The following ZFHX3 variants were observed in gnomAD, a reference collection of about 807,000 sequenced individuals.
The protein encoded by ZFHX3 is zinc finger homeobox protein 3.
Under a neutral mutation model 279.1 loss-of-function variants are expected in ZFHX3, and 42 were observed. That is an observed-to-expected ratio of 0.15 (90% CI 0.12 to 0.19). ZFHX3 has a LOEUF of 0.19. ZFHX3 is among the 10% of genes least tolerant of loss of function. The probability of loss-of-function intolerance (pLI) is 1.00; values close to 1 mark genes in which losing one functional copy is unlikely to be tolerated. For missense variants in ZFHX3, 4,981 were observed against 4,754.0 expected (o/e 1.05, Z -1.40); for synonymous variants, 2,293 against 1,957.8 (o/e 1.17, Z -4.52).
intron 1 of ZFHX3, among the ~76,000 whole-genome samples, chr16:73,863,913 G>T (rs545211994): frequency 4.5e-4 from 69 of 152,226 alleles, no homozygotes; most frequent in African/African-American, 1.5e-3. Flanking sequence ...AAATTTTTCA[G>T]ATAGAAAAAT....
At chr16:72,799,752 A>C (rs2036039424) in intron 8 of ZFHX3, among the ~76,000 whole-genome samples, 1 of 152,048 alleles carries the variant, frequency 6.6e-6, no homozygotes, top group African/African-American at 2.4e-5. Flanking sequence ...CTGGTTATTC[A>C]CTCCCTAATT....
intron 3 of ZFHX3, among the ~76,000 whole-genome samples, chr16:73,425,407 C>A (rs1184861845): frequency 1.6e-4 from 25 of 152,150 alleles, no homozygotes; most frequent in Non-Finnish European, 4.4e-5. Context: ...AAGCATAATA[C>A]CCCAAGTTTT....
chr16:73,644,226 C>G (rs896463756), intron 2 of ZFHX3, among the ~76,000 whole-genome samples: 3 of 152,208 alleles, frequency 2.0e-5, no homozygotes, highest in Non-Finnish European at 2.9e-5. Flanking sequence ...TGATGACTTC[C>G]GAGTCCTCCT....
At chr16:73,466,520 A>G (rs1215662630) in intron 2 of ZFHX3, among the ~76,000 whole-genome samples, 2 of 152,160 alleles carry the variant, frequency 1.3e-5, no homozygotes, top group Admixed American at 1.3e-4. Context: ...CCCCACATCT[A>G]GAAGACTTTT....
intron 3 of ZFHX3, among the ~76,000 whole-genome samples, chr16:72,912,099 C>T (rs1038106160): frequency 6.6e-6 from 1 of 152,132 alleles, no homozygotes; most frequent in Non-Finnish European, 1.5e-5. Flanking sequence ...TTTCAGCAAA[C>T]ATGTGCCATT....
chr16:73,590,454 C>A (rs1248725127), intron 2 of ZFHX3, among the ~76,000 whole-genome samples: 1 of 152,124 alleles, frequency 6.6e-6, no homozygotes. Context: ...ACACAGGAAC[C>A]AATTTAAAGG....
chr16:72,941,970 T>C (rs1355143198), intron 3 of ZFHX3, among the ~76,000 whole-genome samples: 2 of 152,246 alleles, frequency 1.3e-5, no homozygotes, highest in Non-Finnish European at 2.9e-5. Context: ...CTACACTTAC[T>C]AGTATTTACA....
At chr16:72,962,800 C>A (rs1038322066) in intron 1 of ZFHX3, among the ~76,000 whole-genome samples, 1 of 152,038 alleles carries the variant, frequency 6.6e-6, no homozygotes, top group Non-Finnish European at 1.5e-5. Flanking sequence ...GTCCTTGGTA[C>A]CTGTATTGCT....
In ZFHX3 at chr16:72,787,211, T is replaced by C. The variant is rs149908041; in HGVS notation, c.11065A>G (p.Lys3689Glu). The change falls in exon 10 of 10, where the codon AAG becomes GAG. Residue 3689 changes from lysine to glutamate, a missense_variant. Transcript: ENST00000268489. Reference protein sequence around the residue: ...VEGPKDPSCPKDSGLTSVGTD... With the variant: ...VEGPKDPSCPEDSGLTSVGTD... The stretch of plus-strand genomic sequence containing the variant: ...CCTACACTGGTCAGACCACTGTCCT[T>C]GGGGCAGCTGGGGTCTTTGGGACCC... The C allele has an allele frequency of 1.1e-3, 1,761 of 1,613,928 alleles. No homozygotes were observed. The highest frequency in any genetic ancestry group is 1.4e-3 in the Non-Finnish European group (1,638 of 1,179,910).
chr16:73,813,915 A>C (rs983884859), intron 1 of ZFHX3: 2 of 152,212 alleles, frequency 1.3e-5, no homozygotes, highest in African/African-American at 4.8e-5. Context: ...ATATTTGCTT[A>C]ATCTACTATT....
intron 4 of ZFHX3, among the ~76,000 whole-genome samples, chr16:72,854,938 T>TGGGGGGGGGGG (rs373623618): frequency 1.4e-5 from 1 of 73,904 alleles, no homozygotes; most frequent in African/African-American, 5.4e-5. Flanking sequence ...AATTGGTGGG[T>TGGGGGGGGGGG]GGGGGGGGGG....
At position 72,889,912 on chromosome 16, in the gene ZFHX3, G is replaced by A. The variant is rs755431583; in HGVS notation, c.3267C>T (p.His1089=). 6.2e-7 allele frequency: 1 copy of A among 1,614,180 alleles called. No individual in the cohort carries two copies. The highest frequency in any genetic ancestry group is 1.1e-5 in the South Asian group (1 of 91,072). ...TGGTGGAGTAGTTGCACAGAACGCA[G>A]TGGTAGTAGCAGCTCTCACCTTCTA... is the stretch of plus-strand genomic sequence containing the variant. ...SGVEGESCYY[H]CVLCNYSTKA... is the part of the protein sequence containing the mutation. Residue 1089 remains histidine (H), a synonymous_variant, in exon 4 of 10, where the codon CAC becomes CAT. Coordinates refer to ENST00000268489, the MANE Select transcript of ZFHX3 (RefSeq NM_006885.4).
At chr16:73,399,926 T>C (rs1284526332) in intron 3 of ZFHX3, among the ~76,000 whole-genome samples, 1 of 151,818 alleles carries the variant, frequency 6.6e-6, no homozygotes, top group East Asian at 1.9e-4. Flanking sequence ...AGTTATTGCA[T>C]TACTGCCTGT....
chr16:72,822,435 A>T (rs1429752696), intron 5 of ZFHX3, among the ~76,000 whole-genome samples: 1 of 152,240 alleles, frequency 6.6e-6, no homozygotes, highest in African/African-American at 2.4e-5. Context: ...TGTGAGGCTT[A>T]GTTCTCGAGG....
At chr16:73,036,093 T>A (rs1160076977) in intron 1 of ZFHX3, among the ~76,000 whole-genome samples, 1 of 152,050 alleles carries the variant, frequency 6.6e-6, no homozygotes, top group Non-Finnish European at 1.5e-5. Context: ...CCCCACCCCA[T>A]ACACACATAC....
At chr16:73,681,079 T>TG (rs1364002751) in intron 1 of ZFHX3, among the ~76,000 whole-genome samples, 3 of 152,226 alleles carry the variant, frequency 2.0e-5, no homozygotes, top group African/African-American at 7.2e-5. Context: ...TGTCTGGTCT[T>TG]GTGGGAGAGA....
At chr16:73,393,455 G>A (rs2017060929) in intron 3 of ZFHX3, among the ~76,000 whole-genome samples, 2 of 152,154 alleles carry the variant, frequency 1.3e-5, no homozygotes, top group Admixed American at 6.5e-5. Context: ...AATCTAGACA[G>A]TCGTTCATAT....
At chr16:73,315,319 T>C (rs902330387) in intron 4 of ZFHX3, among the ~76,000 whole-genome samples, 3 of 152,178 alleles carry the variant, frequency 2.0e-5, no homozygotes, top group African/African-American at 7.2e-5. Flanking sequence ...AATGCACAAG[T>C]ACTCACGTTG....
intron 2 of ZFHX3, among the ~76,000 whole-genome samples, chr16:73,500,673 A>G (rs1230274303): frequency 7.0e-6 from 1 of 143,554 alleles, no homozygotes; most frequent in Non-Finnish European, 1.5e-5. Context: ...TAAAAAAAAA[A>G]AAAAGAGTTT....
Sources: gnomAD v4.1 joint callset for allele counts (sites outside exome capture counted in the v4.1 genomes callset) on GRCh38, gnomAD v4.1.1 for gene constraint, MANE v1.5 for transcripts, NCBI Gene and HGNC (gene_info 2026-07-23, HGNC 2026-07-21) for gene names.